Variants in CDK6 observed in about 807,000 individuals in gnomAD.
The protein encoded by CDK6 is cyclin-dependent kinase 6.
CDK6 carries 6 observed loss-of-function variants against 37.1 expected under a neutral mutation model. The observed-to-expected ratio is 0.16, with a 90% CI of 0.09 to 0.32. CDK6 has a LOEUF of 0.32. CDK6 is among the 10% of genes least tolerant of loss of function. The pLI is 1.00. For missense variants in CDK6, 224 were observed against 418.9 expected (o/e 0.53, Z 4.06); for synonymous variants, 160 against 161.3 (o/e 0.99, Z 0.06).
At chr7:92,823,832 A>G (rs1028726701) in intron 2 of CDK6, among the ~76,000 whole-genome samples, 1 of 151,928 alleles carries the variant, frequency 6.6e-6, no homozygotes, top group Non-Finnish European at 1.5e-5. Flanking sequence ...TTTTTCAGAA[A>G]AAGTTTTTAT....
At chr7:92,827,187 G>A (rs1253952204) in intron 2 of CDK6, among the ~76,000 whole-genome samples, 3 of 152,054 alleles carry the variant, frequency 2.0e-5, no homozygotes, top group African/African-American at 7.2e-5. Flanking sequence ...ACAGATCAAA[G>A]GGGGTTGCAC....
intron 3 of CDK6, among the ~76,000 whole-genome samples, chr7:92,747,294 C>T (rs145638898): frequency 1.6e-3 from 246 of 152,228 alleles, no homozygotes; most frequent in African/African-American, 5.8e-3. Context: ...TATTTCATTC[C>T]CAAACCAGAG....
chr7:92,642,277 T>C (rs1014471875), intron 5 of CDK6, among the ~76,000 whole-genome samples: 1 of 152,162 alleles, frequency 6.6e-6, no homozygotes, highest in African/African-American at 2.4e-5. Flanking sequence ...GCTCAGCCTT[T>C]TGCCAGACTC....
chr7:92,697,608 G>A (rs1290714236), intron 4 of CDK6, among the ~76,000 whole-genome samples: 6 of 152,156 alleles, frequency 3.9e-5, no homozygotes, highest in Non-Finnish European at 8.8e-5. Context: ...TGACAACCAT[G>A]CAGGCAGACA....
intron 3 of CDK6, among the ~76,000 whole-genome samples, chr7:92,745,731 T>A (rs1206295310): frequency 6.6e-6 from 1 of 152,174 alleles, no homozygotes; most frequent in African/African-American, 2.4e-5. Context: ...TAGCCGCTAT[T>A]TCCAGGAACC....
chr7:92,664,841 A>G (rs1796919293), intron 5 of CDK6, among the ~76,000 whole-genome samples: 1 of 150,006 alleles, frequency 6.7e-6, no homozygotes, highest in South Asian at 2.1e-4. Context: ...GCTGGAGTGC[A>G]GTGGCACGAT....
At chr7:92,727,771 C>CTT (rs1798547667) in intron 3 of CDK6, among the ~76,000 whole-genome samples, 1 of 152,110 alleles carries the variant, frequency 6.6e-6, no homozygotes, top group Non-Finnish European at 1.5e-5. Context: ...GAGAAGACTG[C>CTT]ATTGGGGAGG....
rs946863520 is a variant in CDK6, at chr7:92,642,214, C to T, written c.648-19128G>A. 9.2e-5 allele frequency among the ~76,000 whole-genome samples: 14 copies of T among 152,124 alleles called. No individual in the cohort carries two copies. In the East Asian group the frequency reaches 2.1e-3, roughly 23 times the overall value. On this transcript the variant is annotated intron_variant, in intron 5 of 7. Transcript: ENST00000424848. ...TGACCCCACGCCTTGACCCCAGAGCCCTGCATAGTTTCTTTAATCTTATTA... is the reference window on the plus strand; with the variant it reads ...TGACCCCACGCCTTGACCCCAGAGCTCTGCATAGTTTCTTTAATCTTATTA...
intron 6 of CDK6, among the ~76,000 whole-genome samples, chr7:92,620,774 GC>G (rs915883483): frequency 7.9e-5 from 12 of 152,048 alleles, no homozygotes; most frequent in Admixed American, 5.2e-4. Context: ...TGGTTGTGGT[GC>G]CCTGTGCCTG....
intron 5 of CDK6, among the ~76,000 whole-genome samples, chr7:92,659,256 GCTGAAAAAAGT>G (rs1229640682): frequency 6.6e-6 from 1 of 152,134 alleles, no homozygotes; most frequent in Non-Finnish European, 1.5e-5. Context: ...CTTGAAATGT[GCTGAAAAAAGT>G]CTGAACTGAG....
intron 4 of CDK6, among the ~76,000 whole-genome samples, chr7:92,673,168 A>C (rs1035902020): frequency 1.6e-4 from 25 of 152,336 alleles, no homozygotes; most frequent in African/African-American, 6.0e-4. Flanking sequence ...CGAATGAGCC[A>C]TCTTGGACAT....
At chr7:92,657,369 G>T (rs1400025895) in intron 5 of CDK6, among the ~76,000 whole-genome samples, 1 of 152,158 alleles carries the variant, frequency 6.6e-6, no homozygotes, top group East Asian at 1.9e-4. Flanking sequence ...AAGTAATGAT[G>T]CATGAGCACT....
chr7:92,649,149 C>A (rs1163381594), intron 5 of CDK6, among the ~76,000 whole-genome samples: 1 of 152,036 alleles, frequency 6.6e-6, no homozygotes, highest in East Asian at 1.9e-4. Context: ...GTGATAAGCC[C>A]TGAGTCACAG....
At chr7:92,727,799 T>C (rs910582877) in intron 3 of CDK6, among the ~76,000 whole-genome samples, 1 of 152,048 alleles carries the variant, frequency 6.6e-6, no homozygotes, top group African/African-American at 2.4e-5. Context: ...CTTCAAGACT[T>C]GAGAAGCACT....
At chr7:92,724,007 C>T (rs945316729) in intron 4 of CDK6, among the ~76,000 whole-genome samples, 1 of 151,952 alleles carries the variant, frequency 6.6e-6, no homozygotes, top group Non-Finnish European at 1.5e-5. Flanking sequence ...ATAAAAGCGT[C>T]CATCTCAGTT....
intron 3 of CDK6, among the ~76,000 whole-genome samples, chr7:92,742,454 G>C (rs1798947105): frequency 6.6e-6 from 1 of 152,138 alleles, no homozygotes; most frequent in African/African-American, 2.4e-5. Context: ...GACACTTGCT[G>C]GTTTGCCAAG....
intron 3 of CDK6, among the ~76,000 whole-genome samples, chr7:92,745,832 A>G (rs1394090086): frequency 2.0e-5 from 3 of 152,204 alleles, no homozygotes; most frequent in African/African-American, 7.2e-5. Flanking sequence ...ATAAACACTG[A>G]ATATACAGCA....
intron 5 of CDK6, among the ~76,000 whole-genome samples, chr7:92,635,269 G>A (rs1285446113): frequency 6.6e-6 from 1 of 152,192 alleles, no homozygotes; most frequent in Non-Finnish European, 1.5e-5. Flanking sequence ...CCAGATCAGG[G>A]CAGTGTTAGG....
chr7:92,604,958 TAC>T lies in CDK6; in HGVS notation c.*10180_*10181del, dbSNP rs965315455. ...TTGGAATTTAATGAATTTTACTCAC[TAC>T]AGTTATACTCATTTTACATTAAAGT... On this transcript the variant is annotated 3_prime_UTR_variant, in exon 8 of 8. Transcript: ENST00000424848. The T allele has an allele frequency of 3.1e-5, 5 of 161,520 alleles. No individual in the cohort carries two copies. The highest frequency in any genetic ancestry group is 2.8e-4 in the East Asian group (2 of 7,206). The allele number at this position is 161,520 out of a possible 1,614,324, so 10.0% of individuals were successfully genotyped here.
Sources: gnomAD v4.1 joint callset for allele counts (sites outside exome capture counted in the v4.1 genomes callset) on GRCh38, gnomAD v4.1.1 for gene constraint, MANE v1.5 for transcripts, NCBI Gene and HGNC (gene_info 2026-07-23, HGNC 2026-07-21) for gene names.